The following CCDC66 variants were observed in gnomAD, a reference collection of about 807,000 sequenced individuals.
CCDC66 encodes the protein coiled-coil domain containing 66.
A neutral mutation model predicts 128.3 loss-of-function variants in CCDC66; 133 were observed. The observed-to-expected ratio is 1.04, with a 90% CI of 0.90 to 1.20. CCDC66 has a LOEUF of 1.20. CCDC66 is among the 50% of genes most tolerant of loss of function. The pLI, the probability that CCDC66 is intolerant of heterozygous loss-of-function variation, is 0.00. For missense variants in CCDC66, 1,126 were observed against 1,075.5 expected, an observed-to-expected ratio of 1.05 and a Z score of -0.66; for synonymous variants, 387 against 357.0, an observed-to-expected ratio of 1.08 and a Z score of -0.95.
chr3:56,612,252 A>G (rs2074939866), intron 10 of CCDC66, among the ~76,000 whole-genome samples: 1 of 152,166 alleles, frequency 6.6e-6, no homozygotes, highest in African/African-American at 2.4e-5. Flanking sequence ...TATGTGCAGT[A>G]GTGTAATCTC....
chr3:56,585,138 A>G (rs1255152723), intron 7 of CCDC66, among the ~76,000 whole-genome samples: 2 of 122,278 alleles, frequency 1.6e-5, no homozygotes, highest in Non-Finnish European at 3.8e-5. Context: ...AGAGGGAGGG[A>G]GAGGGAGAGG....
intron 7 of CCDC66, among the ~76,000 whole-genome samples, chr3:56,580,616 ATC>A (rs2068196508): frequency 6.6e-6 from 1 of 151,744 alleles, no homozygotes; most frequent in South Asian, 2.1e-4. Flanking sequence ...TGGTGACAAA[ATC>A]TCTCAGCATT....
At chr3:56,557,387 G>A (rs564925972) in intron 1 of CCDC66, 134 bp downstream of exon 1, 1 of 1,218,674 alleles carries the variant, frequency 8.2e-7, no homozygotes, top group Admixed American at 2.6e-5. Context: ...GAGAGGGGCA[G>A]AGCCCAGTTC....
Position 56,566,764 on chromosome 3 carries a change from G to C in CCDC66, c.710+5G>C, listed in dbSNP as rs1030098202. 38 of 1,607,490 alleles carry C rather than the reference G, an allele frequency of 2.4e-5. No individual in the cohort carries two copies. Among genetic ancestry groups the C allele is most frequent in the Admixed American group, 5.1e-5 (3 of 59,130 alleles). On this transcript the variant is annotated splice_donor_5th_base_variant and intron_variant, in intron 5 of 17. Coordinates refer to ENST00000394672, the MANE Select transcript of CCDC66 (RefSeq NM_001141947.3). ...GTGTGAGCAAAAAATTGCCATGTAT[G>C]TAACTCCTATCTGTTGTTATTGTGT... is the stretch of plus-strand genomic sequence containing the variant.
intron 7 of CCDC66, 69 bp downstream of exon 7, chr3:56,571,371 C>A (rs2066584415): frequency 3.7e-6 from 4 of 1,076,874 alleles, no homozygotes; most frequent in African/African-American, 2.3e-5. Context: ...ATTTTTAAAG[C>A]TTATTAAAAA....
chr3:56,603,974 T>A (rs1254895249), intron 10 of CCDC66, among the ~76,000 whole-genome samples: 5 of 152,076 alleles, frequency 3.3e-5, no homozygotes, highest in Admixed American at 2.0e-4. Flanking sequence ...GTGCTTCTGT[T>A]TTGGGTACAT....
chr3:56,608,173 T>C (rs1452445795), intron 10 of CCDC66, among the ~76,000 whole-genome samples: 2 of 152,192 alleles, frequency 1.3e-5, no homozygotes, highest in Non-Finnish European at 2.9e-5. Flanking sequence ...GGGTTCCTTC[T>C]TTCTCCATCT....
At chr3:56,587,426 C>T (rs2106832796) in intron 7 of CCDC66, among the ~76,000 whole-genome samples, 1 of 151,884 alleles carries the variant, frequency 6.6e-6, no homozygotes, top group Middle Eastern at 3.4e-3. Flanking sequence ...TCTGGGGAGG[C>T]CCCAGGGAGC....
chr3:56,592,048 T>C (rs891050002), intron 7 of CCDC66, among the ~76,000 whole-genome samples: 1 of 152,260 alleles, frequency 6.6e-6, no homozygotes, highest in Non-Finnish European at 1.5e-5. Flanking sequence ...AGCAAACTTT[T>C]ATGCTACTGT....
At chr3:56,603,426 G>T (rs1298043133) in intron 10 of CCDC66, among the ~76,000 whole-genome samples, 1 of 152,010 alleles carries the variant, frequency 6.6e-6, no homozygotes, top group Non-Finnish European at 1.5e-5. Flanking sequence ...GGCATTTAGT[G>T]CTATAAATTT....
rs183755593 is a variant in CCDC66 at position 56,606,984 on chromosome 3, C to G, written c.1405-6605C>G. ...TGGGTTTATTTCTGGGTTCTCTGTT[C>G]TGTTCCATTGGTCTATGTGCCTATT... On this transcript the variant is annotated intron_variant, in intron 10 of 17. Transcript: ENST00000394672. Among the ~76,000 whole-genome samples, 341 of 152,286 alleles carry G rather than the reference C, an allele frequency of 2.2e-3. 6 individuals carry two copies. Among genetic ancestry groups the G allele is most frequent in the Non-Finnish European group, 5.1e-4 (35 of 68,026 alleles).
intron 14 of CCDC66, chr3:56,617,845 AAAC>A: frequency 1.7e-6 from 1 of 577,454 alleles, no homozygotes; most frequent in Non-Finnish European, 3.0e-6. Context: ...CTAGCAACAG[AAAC>A]AATATGGCCC....
chr3:56,557,327 G>C (rs531904915), intron 1 of CCDC66, 74 bp downstream of exon 1: 2 of 1,533,778 alleles, frequency 1.3e-6, no homozygotes, highest in East Asian at 2.5e-5. Flanking sequence ...ATGTGTGTCT[G>C]GGTTGTCCCT....
In CCDC66 at chr3:56,566,677, G is replaced by T; in HGVS notation, c.628G>T (p.Val210Phe). 1 of 1,611,716 alleles carries T rather than the reference G, an allele frequency of 6.2e-7. No individual in the cohort carries two copies. The highest frequency in any genetic ancestry group is 8.5e-7 in the Non-Finnish European group (1 of 1,177,928). The change falls in exon 5 of 18, where the codon GTT (valine) becomes TTT (phenylalanine). Residue 210 changes from valine (V) to phenylalanine (F), a missense_variant. Coordinates refer to ENST00000394672, the MANE Select transcript of CCDC66 (RefSeq NM_001141947.3). The part of the protein sequence containing the change: ...IMGLFKKTEM[V>F]SSVPAENKSV... ...GGGATTATTCAAAAAAACTGAAATG[G>T]TTTCATCTGTCCCAGCTGAAAATAA... is the stretch of plus-strand genomic sequence containing the variant.
At chr3:56,597,778 T>TTTTTTTTTTTGGTTTTTTTTTG (rs1553696363) in intron 10 of CCDC66, among the ~76,000 whole-genome samples, 1 of 34,212 alleles carries the variant, frequency 2.9e-5, no homozygotes, top group African/African-American at 1.8e-4. Flanking sequence ...TGTTTTGGGG[T>TTTTTTTTTTTGGTTTTTTTTTG]TTTTTTTTTT....
rs372248955 is a variant in CCDC66, at chr3:56,563,908, A to G, written c.327A>G (p.Lys109=). 6.2e-7 allele frequency: 1 copy of G among 1,613,404 alleles called. No individual in the cohort carries two copies. The highest frequency in any genetic ancestry group is 1.3e-5 in the African/African-American group (1 of 74,932). ...ATAAAGACTGTCTTCATATCCAGAA[A>G]GAGATTTCACCTGCAACCCCTAATA... ...CIDKDCLHIQ[K]EISPATPNMQ... is the part of the protein sequence containing the mutation. The change falls in exon 4 of 18, where the codon AAA becomes AAG. Residue 109 remains lysine, a synonymous_variant. Transcript: ENST00000394672.
chr3:56,605,349 C>T lies in CCDC66; in HGVS notation c.1405-8240C>T, dbSNP rs555623868. ...TTGTGATCCTTTGGAGGAGAAGAGG[C>T]GTTCTGGTTTTTGGAATTTTCAGTC... On this transcript the variant is annotated intron_variant, in intron 10 of 17. Coordinates refer to ENST00000394672, the MANE Select transcript of CCDC66 (RefSeq NM_001141947.3). Among the ~76,000 whole-genome samples, 162 of 152,126 alleles carry T rather than the reference C, an allele frequency of 1.1e-3. 1 individual carries two copies. The highest frequency in any genetic ancestry group is 3.4e-3 in the African/African-American group (140 of 41,418).
intron 17 of CCDC66, 72 bp from the exon 18 acceptor site, chr3:56,621,460 T>C: frequency 9.8e-7 from 1 of 1,024,538 alleles, no homozygotes; most frequent in Non-Finnish European, 1.4e-6. Flanking sequence ...GTGAATATAA[T>C]TCTAGTTTAA....
rs191072995 is a variant in CCDC66, at chr3:56,617,525, A to T, written c.2257A>T (p.Asn753Tyr). The T allele has an allele frequency of 2.5e-5, 40 of 1,612,408 alleles. No individual in the cohort carries two copies. The East Asian group carries it at 7.8e-4, about 31-fold the overall frequency. Reference sequence around the variant, plus strand: ...AAATAATCCTGGGCACCTCTCTCAAAACAGAGGCATTTCACCAGAAATTTT... The same window carrying T: ...AAATAATCCTGGGCACCTCTCTCAATACAGAGGCATTTCACCAGAAATTTT... ...EKNNPGHLSQ[N>Y]RGISPEIFHS... is the part of the protein sequence containing the mutation. Residue 753 changes from asparagine to tyrosine, a missense_variant, in exon 14 of 18, where the codon AAC (asparagine) becomes TAC (tyrosine). Coordinates refer to ENST00000394672, the MANE Select transcript of CCDC66 (RefSeq NM_001141947.3).
Sources: gnomAD v4.1 joint callset for allele counts (sites outside exome capture counted in the v4.1 genomes callset) on GRCh38, gnomAD v4.1.1 for gene constraint, MANE v1.5 for transcripts, NCBI Gene and HGNC (gene_info 2026-07-23, HGNC 2026-07-21) for gene names.